Variants in HPSE2 observed in about 807,000 individuals in gnomAD.
HPSE2 encodes the protein inactive heparanase-2.
Under a neutral mutation model 60.5 loss-of-function variants are expected in HPSE2, and 38 were observed. The observed-to-expected ratio is 0.63, with a 90% confidence interval of 0.48 to 0.82. The LOEUF is 0.82. Among genes scored for constraint, HPSE2 ranks in the 40% least tolerant of loss-of-function variants. The probability of loss-of-function intolerance (pLI) is 0.00; values close to 1 mark genes in which losing one functional copy is unlikely to be tolerated. For synonymous variants in HPSE2, 295 were observed against 293.2 expected (o/e 1.01, Z -0.06); for missense variants, 713 against 740.4 (o/e 0.96, Z 0.43).
At chr10:98,819,267 A>T (rs1450781178) in intron 3 of HPSE2, among the ~76,000 whole-genome samples, 1 of 152,120 alleles carries the variant, frequency 6.6e-6, no homozygotes, top group Non-Finnish European at 1.5e-5. Context: ...CCTTATCAAC[A>T]CTGGGGCAAT....
At chr10:98,626,716 A>G (rs1370798454) in intron 7 of HPSE2, among the ~76,000 whole-genome samples, 1 of 152,194 alleles carries the variant, frequency 6.6e-6, no homozygotes, top group Non-Finnish European at 1.5e-5. Context: ...AACCTACTGT[A>G]CTTAGTTGGA....
intron 11 of HPSE2, among the ~76,000 whole-genome samples, chr10:98,472,213 TA>T (rs1940807672): frequency 6.6e-6 from 1 of 151,874 alleles, no homozygotes; most frequent in Non-Finnish European, 1.5e-5. Flanking sequence ...TACTCTTACA[TA>T]TATATTTATA....
At chr10:98,862,309 G>T (rs1293384189) in intron 3 of HPSE2, among the ~76,000 whole-genome samples, 1 of 152,114 alleles carries the variant, frequency 6.6e-6, no homozygotes, top group Non-Finnish European at 1.5e-5. Context: ...GAACTTGGGG[G>T]TCTCATATAT....
At chr10:99,208,843 G>A (rs1047872599) in intron 2 of HPSE2, among the ~76,000 whole-genome samples, 2 of 152,134 alleles carry the variant, frequency 1.3e-5, no homozygotes, top group Non-Finnish European at 2.9e-5. Context: ...GAAACCAAAA[G>A]AGAAGAGGGG....
intron 3 of HPSE2, among the ~76,000 whole-genome samples, chr10:98,965,046 A>G (rs1055943317): frequency 6.6e-6 from 1 of 152,148 alleles, no homozygotes; most frequent in Non-Finnish European, 1.5e-5. Flanking sequence ...TGCAGAGACT[A>G]CTGCAATACC....
chr10:98,930,056 T>C lies in HPSE2; in HGVS notation c.611-186000A>G, dbSNP rs1391025062. ...TTGTTACATAGGTAAACGTGTGTCA[T>C]GGTGGTTTGCTGCACCTGTCGACCC... On this transcript the variant is annotated intron_variant, in intron 3 of 11. Transcript: ENST00000370552. Among the ~76,000 whole-genome samples, 2 of 143,686 alleles carry C rather than the reference T, an allele frequency of 1.4e-5. 1 individual carries two copies. The highest frequency in any genetic ancestry group is 3.0e-5 in the Non-Finnish European group (2 of 67,166). 94.3% of individuals were successfully genotyped at this position (143,686 alleles called of 152,430 possible). A position where few individuals can be genotyped will look rare whatever the true frequency, so the allele number is the denominator to read the frequency against.
At chr10:99,016,310 T>C (rs951303946) in intron 3 of HPSE2, among the ~76,000 whole-genome samples, 1 of 152,198 alleles carries the variant, frequency 6.6e-6, no homozygotes, top group African/African-American at 2.4e-5. Flanking sequence ...CATTGCTTAT[T>C]TTTATCAGGT....
chr10:98,463,183 C>T (rs956230964), intron 11 of HPSE2, among the ~76,000 whole-genome samples: 22 of 152,152 alleles, frequency 1.4e-4, no homozygotes, highest in Non-Finnish European at 2.2e-4. Flanking sequence ...TGCCACATTG[C>T]TGACAGTTAT....
chr10:98,782,560 A>C lies in HPSE2; in HGVS notation c.611-38504T>G, dbSNP rs185570391. On this transcript the variant is annotated intron_variant, in intron 3 of 11. Transcript: ENST00000370552. ...AATTTATACAGAAGTGCAAACATCC[A>C]AGAATATTCAAGACTGTGTTAGAGA... Among the ~76,000 whole-genome samples the C allele has an allele frequency of 0.017, 2,196 of 132,364 alleles. 103 individuals are homozygous for C. In the East Asian group the frequency reaches 0.17, roughly 10 times the overall value. 86.8% of individuals were successfully genotyped at this position (132,364 alleles called of 152,430 possible). A position where few individuals can be genotyped will look rare whatever the true frequency, so the allele number is the denominator to read the frequency against.
intron 9 of HPSE2, among the ~76,000 whole-genome samples, chr10:98,586,978 T>C (rs1037121550): frequency 6.6e-6 from 1 of 152,226 alleles, no homozygotes; most frequent in Non-Finnish European, 1.5e-5. Flanking sequence ...CTTCCTGTCT[T>C]CTTAAGTAAA....
intron 3 of HPSE2, among the ~76,000 whole-genome samples, chr10:99,088,040 T>C (rs896834222): frequency 6.6e-6 from 1 of 151,402 alleles, no homozygotes; most frequent in African/African-American, 2.4e-5. Context: ...ACTGGGCTCC[T>C]GGAAGTCCCT....
chr10:99,079,279 G>A (rs1248094523), intron 3 of HPSE2, among the ~76,000 whole-genome samples: 2 of 152,040 alleles, frequency 1.3e-5, no homozygotes, highest in Non-Finnish European at 2.9e-5. Context: ...GAGGGAAGCT[G>A]GGAACTAGGG....
chr10:98,875,266 A>C (rs1952844456), intron 3 of HPSE2, among the ~76,000 whole-genome samples: 1 of 152,026 alleles, frequency 6.6e-6, no homozygotes, highest in Non-Finnish European at 1.5e-5. Context: ...TTAACAAAAT[A>C]CATGGACCAC....
intron 9 of HPSE2, among the ~76,000 whole-genome samples, chr10:98,597,586 G>A (rs1414385112): frequency 2.0e-5 from 3 of 151,620 alleles, no homozygotes; most frequent in South Asian, 2.1e-4. Context: ...CAGAAGAATC[G>A]TTTGAACCCA....
In HPSE2 at chr10:98,868,081, ATAAAT is replaced by A. The variant is rs1196386962; in HGVS notation, c.611-124030_611-124026del. On this transcript the variant is annotated intron_variant, in intron 3 of 11. Transcript: ENST00000370552. ...TCCACAAAAAAAAGAAAGAAAGAAA[ATAAAT>A]AAATAAATAAATAAATAAATAAATA... Among the ~76,000 whole-genome samples, 9 of 1,394 alleles carry A rather than the reference ATAAAT, an allele frequency of 6.5e-3. No homozygotes were observed. In the South Asian group the frequency reaches 0.27, roughly 42 times the overall value. The allele number at this position is 1,394 out of a possible 152,430, so 0.9% of individuals were successfully genotyped here.
intron 3 of HPSE2, among the ~76,000 whole-genome samples, chr10:98,779,747 G>A (rs915279084): frequency 6.6e-5 from 10 of 152,136 alleles, no homozygotes; most frequent in African/African-American, 2.4e-4. Flanking sequence ...CATGCACTGA[G>A]GTAAAAGGAA....
At chr10:98,663,574 C>A (rs1947281172) in intron 6 of HPSE2, among the ~76,000 whole-genome samples, 1 of 152,134 alleles carries the variant, frequency 6.6e-6, no homozygotes, top group Non-Finnish European at 1.5e-5. Context: ...AGCTGAGGAG[C>A]CGCCTGCCCT....
intron 3 of HPSE2, among the ~76,000 whole-genome samples, chr10:98,964,184 T>C (rs1955755820): frequency 6.6e-6 from 1 of 152,136 alleles, no homozygotes; most frequent in Admixed American, 6.5e-5. Context: ...GCCCACCCTT[T>C]CCTAAATTTG....
intron 6 of HPSE2, among the ~76,000 whole-genome samples, chr10:98,686,961 T>G (rs1021858977): frequency 6.6e-6 from 1 of 152,234 alleles, no homozygotes; most frequent in Non-Finnish European, 1.5e-5. Flanking sequence ...TGCTATATCC[T>G]TACTGTATTT....
Sources: gnomAD v4.1 joint callset for allele counts (sites outside exome capture counted in the v4.1 genomes callset) on GRCh38, gnomAD v4.1.1 for gene constraint, MANE v1.5 for transcripts, NCBI Gene and HGNC (gene_info 2026-07-23, HGNC 2026-07-21) for gene names.